The following RBFOX1 variants were observed in gnomAD, a reference collection of about 807,000 sequenced individuals.
The protein encoded by RBFOX1 is RNA binding fox-1 homolog 1.
In RBFOX1, 8 loss-of-function variants were observed where a neutral mutation model predicts 57.7. The observed-to-expected ratio is 0.14, with a 90% confidence interval of 0.08 to 0.25. The LOEUF (loss-of-function observed/expected upper bound fraction) is 0.25. Ranked by LOEUF, RBFOX1 falls within the 10% of genes least tolerant of loss-of-function variation. RBFOX1 has a pLI of 1.00. For missense variants in RBFOX1, 611 were observed against 548.5 expected (o/e 1.11, Z -1.14); for synonymous variants, 326 against 222.4 (o/e 1.47, Z -4.15).
chr16:7,410,289 G>A (rs1323855289), intron 4 of RBFOX1, among the ~76,000 whole-genome samples: 2 of 152,216 alleles, frequency 1.3e-5, no homozygotes, highest in African/African-American at 2.4e-5. Flanking sequence ...TACAGATACT[G>A]TTATTGCTCT....
At chr16:5,786,236 A>C (rs2054495852) in intron 3 of RBFOX1, among the ~76,000 whole-genome samples, 1 of 151,442 alleles carries the variant, frequency 6.6e-6, no homozygotes, top group African/African-American at 2.4e-5. Flanking sequence ...GGACTTCTCT[A>C]CTCCTTCCTC....
At chr16:6,698,228 CATT>C (rs201240598) in intron 3 of RBFOX1, among the ~76,000 whole-genome samples, 1,815 of 152,226 alleles carry the variant, frequency 0.012, 31 homozygotes, top group African/African-American at 0.042. Context: ...ATGTAAATAT[CATT>C]ATGTAAAATA....
At chr16:6,802,546 G>A (rs751125821) in intron 3 of RBFOX1, among the ~76,000 whole-genome samples, 8 of 152,102 alleles carry the variant, frequency 5.3e-5, no homozygotes, top group Non-Finnish European at 8.8e-5. Flanking sequence ...GCATGGTGGT[G>A]CACACCTGTA....
At chr16:7,119,601 C>G (rs1397705246) in intron 4 of RBFOX1, among the ~76,000 whole-genome samples, 1 of 151,746 alleles carries the variant, frequency 6.6e-6, no homozygotes, top group African/African-American at 2.4e-5. Flanking sequence ...AAAAACCACC[C>G]AGACATACAG....
At chr16:6,985,135 A>G (rs971363451) in intron 3 of RBFOX1, among the ~76,000 whole-genome samples, 1 of 150,826 alleles carries the variant, frequency 6.6e-6, no homozygotes, top group African/African-American at 2.4e-5. Flanking sequence ...ACCCTACCCT[A>G]CCCTCTTCTT....
chr16:7,029,539 A>C (rs1439288847), intron 3 of RBFOX1, among the ~76,000 whole-genome samples: 2 of 152,020 alleles, frequency 1.3e-5, no homozygotes, highest in African/African-American at 2.4e-5. Context: ...TAAGAAATCT[A>C]ATATTTTACC....
chr16:7,268,147 A>G (rs190092571), intron 4 of RBFOX1, among the ~76,000 whole-genome samples: 10 of 152,310 alleles, frequency 6.6e-5, no homozygotes, highest in African/African-American at 2.2e-4. Flanking sequence ...GCACCTCAAT[A>G]TAGCTAACCA....
chr16:5,395,012 C>T (rs1009310683), intron 1 of RBFOX1, among the ~76,000 whole-genome samples: 6 of 152,172 alleles, frequency 3.9e-5, no homozygotes, highest in South Asian at 2.1e-4. Flanking sequence ...CCCAGTTGCT[C>T]GGAGTCCCAC....
chr16:6,003,911 C>T (rs556802829), intron 4 of RBFOX1, among the ~76,000 whole-genome samples: 88 of 152,190 alleles, frequency 5.8e-4, no homozygotes, highest in Non-Finnish European at 1.1e-3. Context: ...GTCCACAAAT[C>T]TGGCTTTTCT....
At chr16:5,845,286 G>T (rs1426842247) in intron 3 of RBFOX1, among the ~76,000 whole-genome samples, 2 of 152,100 alleles carry the variant, frequency 1.3e-5, no homozygotes, top group African/African-American at 4.8e-5. Context: ...TATCTGTTCT[G>T]AATATTCATT....
intron 1 of RBFOX1, among the ~76,000 whole-genome samples, chr16:5,404,275 G>C (rs146650045): frequency 6.6e-6 from 1 of 152,148 alleles, no homozygotes; most frequent in African/African-American, 2.4e-5. Context: ...ACAATTGCAC[G>C]TGTACCCCAT....
At chr16:6,548,435 C>G (rs556760592) in intron 2 of RBFOX1, among the ~76,000 whole-genome samples, 10 of 152,036 alleles carry the variant, frequency 6.6e-5, no homozygotes, top group Non-Finnish European at 1.3e-4. Context: ...GAAGGGAAGG[C>G]ACAACCAGCA....
intron 2 of RBFOX1, among the ~76,000 whole-genome samples, chr16:5,530,552 C>A (rs1029496645): frequency 6.6e-6 from 1 of 151,722 alleles, no homozygotes; most frequent in African/African-American, 2.4e-5. Context: ...GGCAGCGTTT[C>A]TTAACATCTA....
chr16:5,923,524 G>C (rs1029499266), intron 4 of RBFOX1, among the ~76,000 whole-genome samples: 19 of 143,130 alleles, frequency 1.3e-4, no homozygotes, highest in Non-Finnish European at 3.0e-5. Context: ...TGTCTCCAGA[G>C]CCAGGCTTTT....
At position 6,193,533 on chromosome 16, in the gene RBFOX1, G is replaced by A. The variant is rs535994127; in HGVS notation, c.-126-123462G>A. On this transcript the variant is annotated intron_variant, in intron 1 of 15. Coordinates refer to ENST00000550418, the MANE Select transcript of RBFOX1 (RefSeq NM_018723.4). ...CCTAGAGCAAGTCACATAACCCTGG[G>A]AACCTCGGTTTCATCAATGGCAAAG... Among the ~76,000 whole-genome samples the A allele has an allele frequency of 6.0e-5, 9 of 149,560 alleles. No homozygotes were observed. The South Asian group carries it at 1.7e-3, about 28-fold the overall frequency.
chr16:6,484,269 C>G (rs1238712021), intron 2 of RBFOX1, among the ~76,000 whole-genome samples: 1 of 152,168 alleles, frequency 6.6e-6, no homozygotes, highest in Non-Finnish European at 1.5e-5. Flanking sequence ...GCGAAGTTGG[C>G]ATGCTCACGT....
chr16:5,740,388 T>C (rs2052730720), intron 3 of RBFOX1, among the ~76,000 whole-genome samples: 1 of 152,176 alleles, frequency 6.6e-6, no homozygotes, highest in African/African-American at 2.4e-5. Flanking sequence ...CCAGCAACAG[T>C]GATGAAAGTG....
chr16:6,530,447 C>G (rs1466979846), intron 2 of RBFOX1, among the ~76,000 whole-genome samples: 1 of 152,164 alleles, frequency 6.6e-6, no homozygotes, highest in Non-Finnish European at 1.5e-5. Context: ...TGCTATTTGT[C>G]TGGTTTCTTT....
chr16:5,758,091 G>T (rs1013395842), intron 3 of RBFOX1, among the ~76,000 whole-genome samples: 2 of 152,266 alleles, frequency 1.3e-5, no homozygotes, highest in South Asian at 2.1e-4. Flanking sequence ...GAATTCTGAG[G>T]CTGACCACCC....
Sources: gnomAD v4.1 joint callset for allele counts (sites outside exome capture counted in the v4.1 genomes callset) on GRCh38, gnomAD v4.1.1 for gene constraint, MANE v1.5 for transcripts, NCBI Gene and HGNC (gene_info 2026-07-23, HGNC 2026-07-21) for gene names.